The following PDE1A variants were observed in gnomAD, a reference collection of about 807,000 sequenced individuals.
PDE1A encodes the protein dual specificity calcium/calmodulin-dependent 3',5'-cyclic nucleotide phosphodiesterase 1A.
PDE1A carries 35 observed loss-of-function variants against 61.7 expected under a neutral mutation model. That is an observed-to-expected ratio of 0.57 (90% CI 0.43 to 0.75). The LOEUF is 0.75. Ranked by LOEUF, PDE1A falls within the 30% of genes least tolerant of loss-of-function variation. The pLI, the probability that PDE1A is intolerant of heterozygous loss-of-function variation, is 0.00. For synonymous variants in PDE1A, 232 were observed against 213.2 expected (o/e 1.09, Z -0.77); for missense variants, 597 against 630.6 (o/e 0.95, Z 0.57).
intron 2 of PDE1A, among the ~76,000 whole-genome samples, chr2:182,450,860 GC>G (rs1438190220): frequency 6.6e-6 from 1 of 151,448 alleles, no homozygotes; most frequent in Non-Finnish European, 1.5e-5. Context: ...GCTATTTACG[GC>G]TGGCACTGTT....
chr2:182,631,806 A>G, the PDE1A span, among the ~76,000 whole-genome samples: 3 of 152,218 alleles, frequency 2.0e-5, no homozygotes, highest in African/African-American at 7.2e-5. Flanking sequence ...ATCTCTTTCA[A>G]GTATGATGCT....
chr2:182,683,271 G>T, the PDE1A span, among the ~76,000 whole-genome samples: 1 of 151,692 alleles, frequency 6.6e-6, no homozygotes, highest in African/African-American at 2.4e-5. Context: ...TAGAGACAGG[G>T]TTTCACCATC....
chr2:182,278,920 A>C (rs1052748634), intron 1 of PDE1A, among the ~76,000 whole-genome samples: 10 of 152,062 alleles, frequency 6.6e-5, no homozygotes, highest in Non-Finnish European at 1.2e-4. Flanking sequence ...TAGGAACAGA[A>C]GCATTAATGT....
At chr2:182,177,429 C>T (rs987039614) in intron 13 of PDE1A, among the ~76,000 whole-genome samples, 1 of 151,724 alleles carries the variant, frequency 6.6e-6, no homozygotes, top group African/African-American at 2.4e-5. Context: ...GTGTATGTGT[C>T]AAGGAATTTA....
intron 1 of PDE1A, among the ~76,000 whole-genome samples, chr2:182,306,774 C>T (rs1290712608): frequency 6.6e-6 from 1 of 152,090 alleles, no homozygotes; most frequent in Non-Finnish European, 1.5e-5. Context: ...ACATTGGATC[C>T]TTATCTCACT....
chr2:182,514,508 C>A (rs908992999), intron 2 of PDE1A, among the ~76,000 whole-genome samples: 2 of 151,788 alleles, frequency 1.3e-5, no homozygotes, highest in Admixed American at 1.3e-4. Flanking sequence ...AATAGAGAAC[C>A]CCAAAATAAA....
the PDE1A span, among the ~76,000 whole-genome samples, chr2:182,599,877 A>G: frequency 6.6e-6 from 1 of 152,238 alleles, no homozygotes; most frequent in African/African-American, 2.4e-5. Context: ...CTAAATAATT[A>G]CATGTACCAG....
intron 2 of PDE1A, among the ~76,000 whole-genome samples, chr2:182,513,066 A>G (rs1226982665): frequency 6.6e-6 from 1 of 152,226 alleles, no homozygotes; most frequent in African/African-American, 2.4e-5. Flanking sequence ...ACCTCACTAG[A>G]GAGGTTGACA....
chr2:182,595,468 G>A, the PDE1A span, among the ~76,000 whole-genome samples: 3 of 152,136 alleles, frequency 2.0e-5, no homozygotes, highest in Non-Finnish European at 2.9e-5. Context: ...AACATTACAC[G>A]TCACATTAAC....
chr2:182,482,958 T>C (rs1477042156), intron 2 of PDE1A, among the ~76,000 whole-genome samples: 1 of 151,960 alleles, frequency 6.6e-6, no homozygotes, highest in African/African-American at 2.4e-5. Flanking sequence ...AGATACACTT[T>C]AGATACAGAC....
chr2:182,380,779 G>A (rs370146476), intron 1 of PDE1A, among the ~76,000 whole-genome samples: 4 of 152,130 alleles, frequency 2.6e-5, no homozygotes, highest in East Asian at 1.9e-4. Flanking sequence ...GGCATGGATA[G>A]TGCCTAGCAG....
the PDE1A span, among the ~76,000 whole-genome samples, chr2:182,578,847 T>C: frequency 6.6e-6 from 1 of 152,178 alleles, no homozygotes; most frequent in Admixed American, 6.6e-5. Flanking sequence ...GGGAGTATTA[T>C]CAGCCTCTTC....
At chr2:182,352,014 A>T (rs1057502915) in intron 1 of PDE1A, among the ~76,000 whole-genome samples, 3 of 152,222 alleles carry the variant, frequency 2.0e-5, no homozygotes, top group African/African-American at 7.2e-5. Context: ...ATTTTCACAC[A>T]TAAAGATGTT....
intron 4 of PDE1A, among the ~76,000 whole-genome samples, chr2:182,232,699 G>T (rs1407014838): frequency 6.6e-6 from 1 of 152,136 alleles, no homozygotes; most frequent in Non-Finnish European, 1.5e-5. Flanking sequence ...AGTTCTGTTA[G>T]AAGGCATTTT....
the PDE1A span, among the ~76,000 whole-genome samples, chr2:182,690,344 C>T: frequency 1.3e-5 from 2 of 152,176 alleles, no homozygotes; most frequent in Non-Finnish European, 2.9e-5. Context: ...ATCAAGTGGG[C>T]TTCATCCCTG....
the PDE1A span, among the ~76,000 whole-genome samples, chr2:182,675,748 A>C: frequency 6.6e-6 from 1 of 152,166 alleles, no homozygotes; most frequent in African/African-American, 2.4e-5. Context: ...GATCACATGC[A>C]TGTCTTCTTC....
the PDE1A span, among the ~76,000 whole-genome samples, chr2:182,625,778 G>A: frequency 6.0e-3 from 912 of 152,254 alleles, 16 homozygotes; most frequent in African/African-American, 0.021. Flanking sequence ...AGGGCTAAAA[G>A]GCCAAATGAT....
the PDE1A span, among the ~76,000 whole-genome samples, chr2:182,696,470 TTAG>T: frequency 6.6e-6 from 1 of 151,898 alleles, no homozygotes; most frequent in African/African-American, 2.4e-5. Context: ...GAAGGAGAGA[TTAG>T]TAGGGAGGAA....
chr2:182,627,040 A>T, the PDE1A span, among the ~76,000 whole-genome samples: 2 of 45,026 alleles, frequency 4.4e-5, no homozygotes, highest in South Asian at 8.9e-4. Context: ...AAATATATAT[A>T]TTATTTATAT....
Sources: allele counts gnomAD v4.1 joint callset (sites outside exome capture counted in the v4.1 genomes callset), GRCh38; gene constraint gnomAD v4.1.1; transcripts MANE v1.5; gene names NCBI Gene and HGNC (gene_info 2026-07-23, HGNC 2026-07-21).